The following FBLN7 variants were observed in gnomAD, a reference collection of about 807,000 sequenced individuals.
The protein encoded by FBLN7 is fibulin-7.
A neutral mutation model predicts 44.0 loss-of-function variants in FBLN7; 31 were observed. That is an observed-to-expected ratio of 0.70 (90% CI 0.53 to 0.95). The LOEUF is 0.95. Among genes scored for constraint, FBLN7 ranks in the 40% least tolerant of loss-of-function variants. The pLI is 0.00. For missense variants in FBLN7, 573 were observed against 618.5 expected (o/e 0.93, Z 0.78); for synonymous variants, 262 against 253.4 (o/e 1.03, Z -0.32).
At chr2:112,158,747 A>T (rs1681568447) in intron 1 of FBLN7, among the ~76,000 whole-genome samples, 1 of 152,038 alleles carries the variant, frequency 6.6e-6, no homozygotes, top group Non-Finnish European at 1.5e-5. Context: ...CTGAATTTTT[A>T]AATTTTTTGT....
chr2:112,230,639 G>T, the FBLN7 span: 1 of 188,432 alleles, frequency 5.3e-6, no homozygotes, highest in Non-Finnish European at 1.1e-5. Context: ...TAAATATATT[G>T]TTTTGTGAAT....
chr2:112,230,416 T>C, the FBLN7 span, among the ~76,000 whole-genome samples: 2 of 152,194 alleles, frequency 1.3e-5, no homozygotes, highest in African/African-American at 4.8e-5. Flanking sequence ...CAAGAGTTAG[T>C]ATTTTTAAAA....
At chr2:112,160,153 G>A (rs777132562) in intron 2 of FBLN7, among the ~76,000 whole-genome samples, 2 of 152,132 alleles carry the variant, frequency 1.3e-5, no homozygotes, top group African/African-American at 4.8e-5. Flanking sequence ...ACCACGCCCG[G>A]CTAATTTTTT....
chr2:112,179,016 G>T (rs540669731), intron 4 of FBLN7, among the ~76,000 whole-genome samples: 3 of 152,150 alleles, frequency 2.0e-5, no homozygotes, highest in African/African-American at 7.2e-5. Context: ...GAAATAAAGC[G>T]CATCCAAATA....
the FBLN7 span, among the ~76,000 whole-genome samples, chr2:112,234,908 T>C: frequency 6.6e-6 from 1 of 151,976 alleles, no homozygotes; most frequent in Non-Finnish European, 1.5e-5. Flanking sequence ...GAAATCAGAG[T>C]GAACCAAAAG....
At chr2:112,174,244 A>T (rs986604854) in intron 3 of FBLN7, among the ~76,000 whole-genome samples, 3 of 152,202 alleles carry the variant, frequency 2.0e-5, no homozygotes, top group Non-Finnish European at 4.4e-5. Context: ...GTCATTTCAG[A>T]CACATTCCTG....
At chr2:112,234,060 G>A in the FBLN7 span, 3 of 971,364 alleles carry the variant, frequency 3.1e-6, no homozygotes, top group South Asian at 3.3e-5. Context: ...AATTAAAAGA[G>A]TATCAAACAG....
chr2:112,151,510 CT>C (rs1434820089), intron 1 of FBLN7: 2 of 152,216 alleles, frequency 1.3e-5, no homozygotes, highest in Admixed American at 6.5e-5. Flanking sequence ...CATCACGCCC[CT>C]GCCTACATCC....
chr2:112,175,896 C>CAAGGCA, intron 4 of FBLN7, 57 bp downstream of exon 4: 1 of 1,584,022 alleles, frequency 6.3e-7, no homozygotes, highest in African/African-American at 1.3e-5. Flanking sequence ...GAGGAGGACC[C>CAAGGCA]TAGGCATAGG....
intron 1 of FBLN7, among the ~76,000 whole-genome samples, chr2:112,139,095 C>T (rs1573749225): frequency 2.4e-5 from 2 of 84,004 alleles, no homozygotes; most frequent in South Asian, 5.6e-4. Flanking sequence ...TCTCTCCAGG[C>T]CAGTGTCCCT....
chr2:112,165,319 C>A, intron 3 of FBLN7, 148 bp downstream of exon 3: 1 of 973,616 alleles, frequency 1.0e-6, no homozygotes, highest in Non-Finnish European at 1.5e-6. Flanking sequence ...TGTGCCTGAT[C>A]ACTCACCTCC....
chr2:112,154,585 T>G (rs988509965), intron 1 of FBLN7, among the ~76,000 whole-genome samples: 1 of 152,142 alleles, frequency 6.6e-6, no homozygotes, highest in African/African-American at 2.4e-5. Flanking sequence ...CCTGGAACCC[T>G]GAGATGGGAA....
At chr2:112,208,125 G>T in the FBLN7 span, among the ~76,000 whole-genome samples, 1 of 152,094 alleles carries the variant, frequency 6.6e-6, no homozygotes, top group South Asian at 2.1e-4. Flanking sequence ...CTGGGCTGGA[G>T]GTGGTGGCTC....
At chr2:112,182,000 T>C in intron 5 of FBLN7, 124 bp downstream of exon 5, 1 of 1,226,616 alleles carries the variant, frequency 8.2e-7, no homozygotes. Flanking sequence ...TCAGAAGGCC[T>C]GGCCACTTTG....
rs117969964 is a variant in FBLN7 at position 112,186,136 on chromosome 2, C to G, written c.947+797C>G. ...TCAGAACCTTCCTCATGAAGTCACT[C>G]GGTGAAGGGATAGGGAACGGGTCTA... On this transcript the variant is annotated intron_variant, in intron 7 of 7. Transcript: ENST00000331203. Among the ~76,000 whole-genome samples the G allele has an allele frequency of 5.1e-4, 77 of 152,174 alleles. 3 individuals are homozygous for G. In the East Asian group the frequency reaches 0.013, roughly 26 times the overall value.
At chr2:112,217,108 C>T in the FBLN7 span, among the ~76,000 whole-genome samples, 1 of 152,160 alleles carries the variant, frequency 6.6e-6, no homozygotes, top group African/African-American at 2.4e-5. Flanking sequence ...GTGGCTCACA[C>T]CTGTAATCCC....
intron 5 of FBLN7, among the ~76,000 whole-genome samples, chr2:112,182,436 C>T (rs1683047206): frequency 6.6e-6 from 1 of 152,240 alleles, no homozygotes; most frequent in South Asian, 2.1e-4. Flanking sequence ...AGAGAGTTAA[C>T]ATGGGGCTGT....
At chr2:112,146,489 A>T (rs1447129975) in intron 1 of FBLN7, among the ~76,000 whole-genome samples, 1 of 151,722 alleles carries the variant, frequency 6.6e-6, no homozygotes, top group Non-Finnish European at 1.5e-5. Context: ...GGTTTCTTTC[A>T]TCAGTATATA....
chr2:112,196,260 A>G, the FBLN7 span, among the ~76,000 whole-genome samples: 3 of 152,192 alleles, frequency 2.0e-5, no homozygotes, highest in South Asian at 6.2e-4. Flanking sequence ...AAATAAAATG[A>G]CAAGATCCCT....
Sources: gnomAD v4.1 joint callset for allele counts (sites outside exome capture counted in the v4.1 genomes callset) on GRCh38, gnomAD v4.1.1 for gene constraint, MANE v1.5 for transcripts, NCBI Gene and HGNC (gene_info 2026-07-23, HGNC 2026-07-21) for gene names.